RUFY2: variants seen among roughly 807,000 people sequenced by gnomAD.
RUFY2 encodes RUN and FYVE domain containing 2.
A neutral mutation model predicts 94.4 loss-of-function variants in RUFY2; 49 were observed. That is an observed-to-expected ratio of 0.52 (90% CI 0.41 to 0.66). The LOEUF (loss-of-function observed/expected upper bound fraction) is 0.66, where lower values mean the gene tolerates loss of function less well. Among genes scored for constraint, RUFY2 ranks in the 30% least tolerant of loss-of-function variants. The pLI is 0.00. For synonymous variants in RUFY2, 255 were observed against 235.7 expected, an observed-to-expected ratio of 1.08 and a Z score of -0.75; for missense variants, 541 against 692.8, an observed-to-expected ratio of 0.78 and a Z score of 2.46.
At chr10:68,364,585 C>T (rs754025396) in intron 13 of RUFY2, among the ~76,000 whole-genome samples, 1 of 152,144 alleles carries the variant, frequency 6.6e-6, no homozygotes, top group African/African-American at 2.4e-5. Flanking sequence ...GCAAAATCAG[C>T]CCTGTTGCAG....
At chr10:68,341,962 A>AT (rs755876636), downstream of RUFY2, 29 of 1,612,990 alleles carry the variant, frequency 1.8e-5, no homozygotes, top group African/African-American at 3.7e-4. Flanking sequence ...GTGATTCTTA[A>AT]TATCTTTTTC....
At chr10:68,345,967 T>G in intron 17 of RUFY2, 40 bp downstream of exon 17, 1 of 1,612,382 alleles carries the variant, frequency 6.2e-7, no homozygotes, top group Non-Finnish European at 8.5e-7. Context: ...TTAGCATTTT[T>G]GCACTCCAAA....
intron 13 of RUFY2, among the ~76,000 whole-genome samples, chr10:68,365,485 G>A (rs1465906495): frequency 6.6e-6 from 1 of 152,102 alleles, no homozygotes; most frequent in Non-Finnish European, 1.5e-5. Flanking sequence ...TCCTGTGACG[G>A]AATGGTGTCC....
At chr10:68,342,122 ATTTC>A (rs539423584), downstream of RUFY2, 9 of 1,117,336 alleles carry the variant, frequency 8.1e-6, no homozygotes, top group African/African-American at 1.4e-4. Context: ...TACAGATTTA[ATTTC>A]TTTTGTATTT....
intron 16 of RUFY2, among the ~76,000 whole-genome samples, chr10:68,347,324 G>A (rs530403839): frequency 5.6e-4 from 64 of 115,206 alleles, no homozygotes; most frequent in Non-Finnish European, 9.1e-4. Flanking sequence ...TCACTCTGTC[G>A]CCCAGGCTGT....
intron 7 of RUFY2, among the ~76,000 whole-genome samples, chr10:68,391,844 C>T (rs2050012933): frequency 6.6e-6 from 1 of 150,764 alleles, no homozygotes; most frequent in Non-Finnish European, 1.5e-5. Flanking sequence ...CACCTGTAAT[C>T]CCAGCTACTC....
chr10:68,362,244 C>T (rs1466715590), intron 15 of RUFY2, among the ~76,000 whole-genome samples: 1 of 152,100 alleles, frequency 6.6e-6, no homozygotes, highest in Non-Finnish European at 1.5e-5. Flanking sequence ...GAGAGAATAG[C>T]GTGAGCCTGA....
Position 68,344,963 on chromosome 10 carries a change from A to G in RUFY2, c.*805T>C, listed in dbSNP as rs2046193355. 6.6e-6 allele frequency: 1 copy of G among 152,110 alleles called. No homozygotes were observed. Among genetic ancestry groups the G allele is most frequent in the Non-Finnish European group, 1.5e-5 (1 of 68,032 alleles). The allele number at this position is 152,110 out of a possible 1,614,324, so 9.4% of individuals were successfully genotyped here. A position where few individuals can be genotyped will look rare whatever the true frequency, so the allele number is the denominator to read the frequency against. Reference sequence around the variant, plus strand: ...CCTGTAACATCCCCTACTATTACATACTTTTTTTTCTGGGGAAGGATTTGT... The same window carrying G: ...CCTGTAACATCCCCTACTATTACATGCTTTTTTTTCTGGGGAAGGATTTGT... On this transcript the variant is annotated 3_prime_UTR_variant, in exon 18 of 18. Transcript: ENST00000602465.
intron 13 of RUFY2, among the ~76,000 whole-genome samples, chr10:68,369,527 G>C (rs1206480119): frequency 6.6e-6 from 1 of 151,634 alleles, no homozygotes; most frequent in East Asian, 1.9e-4. Context: ...AACCAGGCGA[G>C]GCCTTTAAGA....
At chr10:68,382,756 C>G (rs2049174998) in intron 10 of RUFY2, among the ~76,000 whole-genome samples, 1 of 149,772 alleles carries the variant, frequency 6.7e-6, no homozygotes, top group South Asian at 2.1e-4. Flanking sequence ...TATTAGCATT[C>G]AAGACAAACA....
In RUFY2 at chr10:68,394,127, T is replaced by C; in HGVS notation, c.532A>G (p.Ile178Val). 1 of 1,501,542 alleles carries C rather than the reference T, an allele frequency of 6.7e-7. No individual in the cohort carries two copies. The highest frequency in any genetic ancestry group is 8.9e-7 in the Non-Finnish European group (1 of 1,119,216). The allele number at this position is 1,501,542 out of a possible 1,614,324, so 93.0% of individuals were successfully genotyped here. ...GEDLDSQVGV[I>V]DFSMYLKNEE... ...TTCTTTAAATACATAGAAAAATCAATCACTCCAACCTGAAGTAAATAAAGT... is the reference window on the plus strand; with the variant it reads ...TTCTTTAAATACATAGAAAAATCAACCACTCCAACCTGAAGTAAATAAAGT... The change falls in exon 6 of 18, where the codon ATT (isoleucine) becomes GTT (valine). Residue 178 changes from isoleucine to valine, a missense_variant. Around this residue, in one of 3 missense-constraint regions of RUFY2, gnomAD observed 403 missense variants for 480.7 expected, o/e 0.84. Coordinates refer to ENST00000602465, the MANE Select transcript of RUFY2 (RefSeq NM_001330103.2).
chr10:68,383,694 C>G (rs1231921697), intron 10 of RUFY2, 104 bp downstream of exon 10: 3 of 804,610 alleles, frequency 3.7e-6, no homozygotes, highest in African/African-American at 3.4e-5. Context: ...TTGCTACATA[C>G]CACACCAAAA....
intron 13 of RUFY2, among the ~76,000 whole-genome samples, chr10:68,376,228 C>G: frequency 6.6e-6 from 1 of 150,480 alleles, no homozygotes; most frequent in Non-Finnish European, 1.5e-5. Context: ...TAGTTCAAGA[C>G]CAGCCTGGTC....
At chr10:68,359,434 T>C (rs1589805779) in intron 15 of RUFY2, among the ~76,000 whole-genome samples, 1 of 137,996 alleles carries the variant, frequency 7.2e-6, no homozygotes, top group South Asian at 2.4e-4. Context: ...CGTGTATATA[T>C]ACGTATATAT....
At chr10:68,390,491 G>A (rs1198795871) in intron 7 of RUFY2, among the ~76,000 whole-genome samples, 1 of 152,096 alleles carries the variant, frequency 6.6e-6, no homozygotes, top group Non-Finnish European at 1.5e-5. Context: ...TGTCCAGTAT[G>A]GCCGCCATGA....
At chr10:68,377,949 T>C in intron 12 of RUFY2, 1 of 985,376 alleles carries the variant, frequency 1.0e-6, no homozygotes, top group Non-Finnish European at 1.2e-6. Context: ...ATTTAAGTTA[T>C]CTCCAAATCC....
chr10:68,351,206 A>C (rs569161997), intron 16 of RUFY2, among the ~76,000 whole-genome samples: 8 of 121,776 alleles, frequency 6.6e-5, no homozygotes, highest in Non-Finnish European at 1.1e-4. Context: ...ATCTCTGCTC[A>C]TTGCAACCTC....
intron 3 of RUFY2, among the ~76,000 whole-genome samples, chr10:68,397,817 C>T (rs1358033473): frequency 1.3e-5 from 2 of 151,540 alleles, no homozygotes; most frequent in African/African-American, 2.4e-5. Context: ...TGAGCTTAGC[C>T]CTCTAAAAAT....
At position 68,381,261 on chromosome 10, in the gene RUFY2, T is replaced by C. The variant is rs777504015; in HGVS notation, c.1078A>G (p.Ile360Val). 3.1e-6 allele frequency: 5 copies of C among 1,612,870 alleles called. No homozygotes were observed. The highest frequency in any genetic ancestry group is 1.7e-5 in the Admixed American group (1 of 59,764). ...AACTTTTGATACATCTCTATGTTAA[T>C]TGCTTTAACTTCCTCTAGTTGTTGT... is the stretch of plus-strand genomic sequence containing the variant. ...LRQQLEEVKA[I>V]NIEMYQKLQG... Residue 360 changes from isoleucine (I) to valine (V), a missense_variant, in exon 11 of 18, where the codon ATT (isoleucine) becomes GTT (valine). By Grantham distance (29) the Ile-to-Val change is conservative. This residue lies in a region of RUFY2 where 403 missense variants were observed against 480.7 expected (regional missense o/e 0.84). Transcript: ENST00000602465.
Sources: allele counts gnomAD v4.1 joint callset (sites outside exome capture counted in the v4.1 genomes callset), GRCh38; gene constraint gnomAD v4.1.1; regional missense constraint gnomAD v4.1.1; transcripts MANE v1.5; gene names NCBI Gene and HGNC (gene_info 2026-07-23, HGNC 2026-07-21).